DMBT1: variants seen among roughly 807,000 people sequenced by gnomAD.
DMBT1 encodes the protein deleted in malignant brain tumors 1.
A neutral mutation model predicts 252.9 loss-of-function variants in DMBT1; 198 were observed. The observed-to-expected ratio is 0.78, with a 90% CI of 0.70 to 0.88. The LOEUF is 0.88. Among genes scored for constraint, DMBT1 ranks in the 40% least tolerant of loss-of-function variants. The pLI is 0.00. For missense variants in DMBT1, 2,432 were observed against 2,404.7 expected (o/e 1.01, Z -0.24); for synonymous variants, 990 against 942.7 (o/e 1.05, Z -0.92).
intron 8 of DMBT1, among the ~76,000 whole-genome samples, chr10:122,578,194 G>A (rs2097729748): frequency 6.6e-6 from 1 of 152,168 alleles, no homozygotes; most frequent in Non-Finnish European, 1.5e-5. Flanking sequence ...TTCTGTTGAA[G>A]GCAAGGTCAG....
intron 45 of DMBT1, among the ~76,000 whole-genome samples, chr10:122,625,665 C>T (rs974762768): frequency 7.9e-5 from 12 of 152,176 alleles, no homozygotes; most frequent in African/African-American, 1.2e-4. Flanking sequence ...TACTTCTGCA[C>T]GTATTTGTCA....
At chr10:122,639,676 G>A (rs1329640283) in intron 54 of DMBT1, among the ~76,000 whole-genome samples, 3 of 152,182 alleles carry the variant, frequency 2.0e-5, no homozygotes, top group Admixed American at 2.0e-4. Context: ...TGACAAAAGG[G>A]TTTATTGCGG....
At chr10:122,589,708 G>T (rs536965908) in intron 17 of DMBT1, among the ~76,000 whole-genome samples, 1 of 148,424 alleles carries the variant, frequency 6.7e-6, no homozygotes, top group Admixed American at 6.7e-5. Flanking sequence ...GAGATGGGGA[G>T]GTGGCCTGAG....
intron 4 of DMBT1, 74 bp from the exon 5 acceptor site, chr10:122,572,240 C>T (rs76084076): frequency 6.3e-7 from 1 of 1,591,064 alleles, no homozygotes; most frequent in Non-Finnish European, 8.6e-7. Context: ...TGCTTCAGAC[C>T]TGAGGAAGCC....
chr10:122,592,785 G>C (rs1042063033), intron 20 of DMBT1, among the ~76,000 whole-genome samples, 190 bp downstream of exon 20: 1 of 148,678 alleles, frequency 6.7e-6, no homozygotes, highest in Non-Finnish European at 1.5e-5. Flanking sequence ...GGTCACTTAG[G>C]ACAGGCCCCA....
Position 122,593,580 on chromosome 10 carries a change from C to T in DMBT1, c.2512C>T (p.Arg838Trp), listed in dbSNP as rs139451145. The change falls in exon 21 of 56, where the codon CGG (arginine) becomes TGG (tryptophan). Residue 838 changes from arginine to tryptophan, a missense_variant. Physicochemically the swap from Arg to Trp is moderately radical, Grantham distance 101. Transcript: ENST00000338354. ...AGVICSVSQS[R>W]PTPSPDTWPT... ...TCTCTTTCTCACAGTTTCCCAGTCC[C>T]GGCCGACACCCAGTCCAGGTAGGTC... The T allele has an allele frequency of 6.2e-4, 983 of 1,587,432 alleles. 49 individuals carry two copies. The African/African-American group carries it at 0.011, about 18-fold the overall frequency.
chr10:122,634,685 C>T (rs763968674), intron 52 of DMBT1, among the ~76,000 whole-genome samples: 3 of 151,894 alleles, frequency 2.0e-5, no homozygotes, highest in Non-Finnish European at 2.9e-5. Flanking sequence ...TTATTAGAGA[C>T]GGGGTTTCAC....
In DMBT1 at chr10:122,629,896, C is replaced by G. The variant is rs1476790191; in HGVS notation, c.5725C>G (p.Pro1909Ala). Residue 1909 changes from proline (P) to alanine (A), a missense_variant, in exon 47 of 56, where the codon CCA becomes GCA. By Grantham distance (27) the Pro-to-Ala change is conservative. Around this residue, in one of 3 missense-constraint regions of DMBT1, gnomAD observed 1,162 missense variants for 1,169.0 expected, o/e 0.99. Coordinates refer to ENST00000338354, the MANE Select transcript of DMBT1 (RefSeq NM_001377530.1). Reference protein sequence around the residue: ...LFYASGTFSSPSYPAYYPNNA... With the variant: ...LFYASGTFSSASYPAYYPNNA... ...CTATGCCAGTGGGACATTCTCCAGC[C>G]CATCCTACCCTGCATACTACCCCAA... The G allele has an allele frequency of 1.2e-6, 2 of 1,613,878 alleles. No homozygotes were observed. The highest frequency in any genetic ancestry group is 1.7e-6 in the Non-Finnish European group (2 of 1,179,898).
At chr10:122,593,084 C>T (rs1372140575) in intron 20 of DMBT1, among the ~76,000 whole-genome samples, 1 of 148,870 alleles carries the variant, frequency 6.7e-6, no homozygotes, top group Non-Finnish European at 1.5e-5. Context: ...CTGGTTCTAT[C>T]AGGCCTGGGT....
chr10:122,591,608 G>A lies in DMBT1; in HGVS notation c.2176+91G>A, dbSNP rs1010156471. The A allele has an allele frequency of 1.9e-5, 26 of 1,382,786 alleles. No individual in the cohort carries two copies. In the African/African-American group the frequency reaches 2.1e-4, roughly 11 times the overall value. The allele number at this position is 1,382,786 out of a possible 1,614,324, so 85.7% of individuals were successfully genotyped here. On this transcript the variant is annotated intron_variant, in intron 19 of 55. Transcript: ENST00000338354. ...AATGATAGGATGAGGGTCAAGGTGG[G>A]CCCCTGTCTTTTTCACATCCCTGTG...
intron 9 of DMBT1, among the ~76,000 whole-genome samples, chr10:122,578,991 C>T (rs541112074): frequency 1.2e-4 from 19 of 152,076 alleles, no homozygotes; most frequent in Non-Finnish European, 2.5e-4. Context: ...GGATGAGGCT[C>T]AAGGTGGGCC....
At chr10:122,568,937 C>G (rs2133516426) in intron 2 of DMBT1, among the ~76,000 whole-genome samples, 1 of 152,290 alleles carries the variant, frequency 6.6e-6, no homozygotes, top group South Asian at 2.1e-4. Flanking sequence ...CTCTGTGTAT[C>G]TGCAACTCTG....
intron 45 of DMBT1, among the ~76,000 whole-genome samples, 165 bp from the exon 46 acceptor site, chr10:122,625,768 A>G (rs1297123900): frequency 6.6e-6 from 1 of 152,240 alleles, no homozygotes; most frequent in African/African-American, 2.4e-5. Flanking sequence ...GGGAGGTGCT[A>G]CATACTCTAG....
chr10:122,586,057 T>C lies in DMBT1; in HGVS notation c.1460-3T>C, dbSNP rs767666419. ...GATGAAGGGTTCTTGTTTTCCCCTGTAGGATCTGAATCCAGTTTGGCCCTG... is the reference window on the plus strand; with the variant it reads ...GATGAAGGGTTCTTGTTTTCCCCTGCAGGATCTGAATCCAGTTTGGCCCTG... On this transcript the variant is annotated splice_polypyrimidine_tract_variant and splice_region_variant and intron_variant, in intron 15 of 55. Transcript: ENST00000338354. 4 of 1,588,618 alleles carry C rather than the reference T, an allele frequency of 2.5e-6. No homozygotes were observed. The Admixed American group carries it at 6.7e-5, about 27-fold the overall frequency.
chr10:122,629,890 T>TC lies in DMBT1; in HGVS notation c.5721dup (p.Ser1908GlnfsTer13), dbSNP rs780542297. ...CTTATTCTATGCCAGTGGGACATTCTCCAGCCCATCCTACCCTGCATACTA... is the reference window on the plus strand; with the variant it reads ...CTTATTCTATGCCAGTGGGACATTCTCCCAGCCCATCCTACCCTGCATACTA... On this transcript the variant is annotated frameshift_variant, in exon 47 of 56. Coordinates refer to ENST00000338354, the MANE Select transcript of DMBT1 (RefSeq NM_001377530.1). LOFTEE classifies it high-confidence loss of function. The TC allele has an allele frequency of 6.2e-7, 1 of 1,614,016 alleles. No individual in the cohort carries two copies. Among genetic ancestry groups the TC allele is most frequent in the Non-Finnish European group, 8.5e-7 (1 of 1,179,880 alleles).
At chr10:122,625,391 T>C (rs2098111419) in intron 45 of DMBT1, 88 bp downstream of exon 45, 4 of 1,304,742 alleles carry the variant, frequency 3.1e-6, no homozygotes, top group Non-Finnish European at 4.4e-6. Flanking sequence ...TAGGGTAGAC[T>C]CCCCCTGGGG....
chr10:122,624,132 C>T (rs2098096638), intron 44 of DMBT1, among the ~76,000 whole-genome samples: 1 of 152,188 alleles, frequency 6.6e-6, no homozygotes, highest in African/African-American at 2.4e-5. Context: ...CCTAGGGCTG[C>T]ACCTTGCCAG....
chr10:122,626,082 T>C, intron 46 of DMBT1, 117 bp downstream of exon 46: 2 of 827,846 alleles, frequency 2.4e-6, no homozygotes, highest in Admixed American at 3.5e-5. Flanking sequence ...CACATAGCCC[T>C]GGCCTGTCCC....
Position 122,618,121 on chromosome 10 carries a change from T to A in DMBT1, c.4996T>A (p.Tyr1666Asn), listed in dbSNP as rs960214751. 7.4e-6 allele frequency: 12 copies of A among 1,613,950 alleles called. No homozygotes were observed. The African/African-American group carries it at 1.3e-4, about 18-fold the overall frequency. Residue 1666 changes from tyrosine to asparagine, a missense_variant, in exon 41 of 56, where the codon TAC becomes AAC. This residue lies in a region of DMBT1 where 1,162 missense variants were observed against 1,169.0 expected (regional missense o/e 0.99). Coordinates refer to ENST00000338354, the MANE Select transcript of DMBT1 (RefSeq NM_001377530.1). ...CTCCTGGGGCACCGTGTGTGATGAC[T>A]ACTGGGACACCAATGATGCCAACGT... ...QGSWGTVCDDYWDTNDANVVC... is the reference protein window; with the variant it reads ...QGSWGTVCDDNWDTNDANVVC...
Sources: allele counts gnomAD v4.1 joint callset (sites outside exome capture counted in the v4.1 genomes callset), GRCh38; gene constraint gnomAD v4.1.1; regional missense constraint gnomAD v4.1.1; transcripts MANE v1.5; gene names NCBI Gene and HGNC (gene_info 2026-07-23, HGNC 2026-07-21).